Variants in ABCC4 observed in about 807,000 individuals in gnomAD.
The protein encoded by ABCC4 is ATP-binding cassette sub-family C member 4.
In ABCC4, 102 loss-of-function variants were observed where a neutral mutation model predicts 168.5. The observed-to-expected ratio is 0.61, with a 90% CI of 0.52 to 0.71. The LOEUF (loss-of-function observed/expected upper bound fraction) is 0.71, where lower values mean the gene tolerates loss of function less well. Ranked by LOEUF, ABCC4 falls within the 30% of genes least tolerant of loss-of-function variation. ABCC4 has a pLI of 0.00. For missense variants in ABCC4, 1,402 were observed against 1,605.8 expected (o/e 0.87, Z 2.17); for synonymous variants, 617 against 590.7 (o/e 1.04, Z -0.65).
At chr13:95,070,082 A>G (rs1249512110) in intron 25 of ABCC4, among the ~76,000 whole-genome samples, 4 of 152,144 alleles carry the variant, frequency 2.6e-5, no homozygotes, top group African/African-American at 7.2e-5. Flanking sequence ...GGTCTCTACT[A>G]AAAATTCAAA....
chr13:95,298,123 T>C (rs1454035613), intron 1 of ABCC4, among the ~76,000 whole-genome samples: 1 of 151,956 alleles, frequency 6.6e-6, no homozygotes, highest in Admixed American at 6.6e-5. Context: ...ACCCCATCTC[T>C]ACCAAAAATA....
chr13:95,163,150 A>G lies in ABCC4; in HGVS notation c.2280T>C (p.Asp760=). Reference sequence around the variant, plus strand: ...AATAAATTCCTAAGTACCAGTTAAGATCTAGCTTCTCGGTTACATTTCCTC... The same window carrying G: ...AATAAATTCCTAAGTACCAGTTAAGGTCTAGCTTCTCGGTTACATTTCCTC... The part of the protein sequence containing the change: ...NGGGNVTEKL[D]LNWYLGIYSG... Residue 760 remains aspartate, a synonymous_variant, in exon 18 of 31, where the codon GAT becomes GAC. Transcript: ENST00000645237. 2.5e-6 allele frequency: 4 copies of G among 1,613,144 alleles called. No individual in the cohort carries two copies. The highest frequency in any genetic ancestry group is 3.4e-6 in the Non-Finnish European group (4 of 1,179,204).
chr13:95,258,696 A>G (rs1408155400), intron 1 of ABCC4, among the ~76,000 whole-genome samples: 1 of 152,024 alleles, frequency 6.6e-6, no homozygotes, highest in Non-Finnish European at 1.5e-5. Context: ...GTGACTCTCC[A>G]CCCAGGCTGA....
In ABCC4 at chr13:95,074,307, A is replaced by G. The variant is rs1206274211; in HGVS notation, c.2824T>C (p.Leu942=). The G allele has an allele frequency of 1.2e-6, 2 of 1,613,234 alleles. No individual in the cohort carries two copies. Among genetic ancestry groups the G allele is most frequent in the Admixed American group, 1.7e-5 (1 of 59,868 alleles). ...DLHSEAWFLF[L]TTSRWFAVRL... ...ACGGCAAACCAGCGGGACGTTGTCAAAAACAAGAACCAAGCCTCTGAATTT... is the reference window on the plus strand; with the variant it reads ...ACGGCAAACCAGCGGGACGTTGTCAGAAACAAGAACCAAGCCTCTGAATTT... The change falls in exon 23 of 31, where the codon TTG becomes CTG. Residue 942 remains leucine, a synonymous_variant. Coordinates refer to ENST00000645237, the MANE Select transcript of ABCC4 (RefSeq NM_005845.5).
chr13:95,212,275 GGAGA>G (rs988270380), intron 4 of ABCC4, among the ~76,000 whole-genome samples: 5 of 152,004 alleles, frequency 3.3e-5, no homozygotes, highest in African/African-American at 1.2e-4. Flanking sequence ...AGAAAGGGAA[GGAGA>G]GAGACCAGCC....
chr13:95,282,760 C>A (rs575953365), intron 1 of ABCC4, among the ~76,000 whole-genome samples: 171 of 151,942 alleles, frequency 1.1e-3, no homozygotes, highest in Non-Finnish European at 1.9e-3. Flanking sequence ...CTCTCAAACT[C>A]CTGACCTTGT....
At chr13:95,111,393 G>A (rs926394866) in intron 20 of ABCC4, among the ~76,000 whole-genome samples, 4 of 152,168 alleles carry the variant, frequency 2.6e-5, no homozygotes, top group Non-Finnish European at 5.9e-5. Flanking sequence ...CTTGCAGACT[G>A]TTCATTTGTA....
intron 15 of ABCC4, among the ~76,000 whole-genome samples, chr13:95,165,048 G>A (rs1489938506): frequency 6.6e-6 from 1 of 152,140 alleles, no homozygotes; most frequent in African/African-American, 2.4e-5. Context: ...TTCTACTAGA[G>A]ATAAGGAAAT....
intron 26 of ABCC4, among the ~76,000 whole-genome samples, chr13:95,057,047 A>G (rs930707464): frequency 1.1e-4 from 17 of 152,206 alleles, no homozygotes; most frequent in African/African-American, 3.4e-4. Flanking sequence ...CAGTTAAGCA[A>G]ACTCTTGTCT....
rs144153588 is a variant in ABCC4, at chr13:95,299,139, G to A, written c.74+2102C>T. The stretch of plus-strand genomic sequence containing the variant: ...CCGGGCATGGTGACACACACCTGGA[G>A]CCCCAGCTACTCGGGAGGCTGAGGC... On this transcript the variant is annotated intron_variant, in intron 1 of 30. Transcript: ENST00000645237. Among the ~76,000 whole-genome samples the A allele has an allele frequency of 6.5e-3, 986 of 151,694 alleles. 4 individuals carry two copies. The highest frequency in any genetic ancestry group is 0.022 in the African/African-American group (909 of 41,362).
chr13:95,061,594 T>TTTTG (rs1292383744), intron 26 of ABCC4, among the ~76,000 whole-genome samples: 2 of 133,942 alleles, frequency 1.5e-5, no homozygotes, highest in Admixed American at 7.6e-5. Flanking sequence ...GAATATGTGT[T>TTTTG]TGTGTGTGTG....
chr13:95,277,836 G>A (rs1000607323), intron 1 of ABCC4, among the ~76,000 whole-genome samples: 3 of 152,120 alleles, frequency 2.0e-5, no homozygotes, highest in South Asian at 2.1e-4. Flanking sequence ...GCAGAAGGGA[G>A]AGAAAAAGGG....
At chr13:95,164,565 G>A in intron 15 of ABCC4, 47 bp from the exon 16 acceptor site, 2 of 1,601,220 alleles carry the variant, frequency 1.2e-6, no homozygotes, top group Admixed American at 1.7e-5. Context: ...ATACAAAACT[G>A]TTCCCAAAGA....
intron 14 of ABCC4, among the ~76,000 whole-genome samples, chr13:95,169,552 A>C (rs946882273): frequency 1.3e-5 from 2 of 152,112 alleles, no homozygotes; most frequent in African/African-American, 4.8e-5. Context: ...CCCCACTGCC[A>C]GTCCCCTGCC....
chr13:95,287,499 A>G (rs1254826391), intron 1 of ABCC4, among the ~76,000 whole-genome samples: 1 of 151,708 alleles, frequency 6.6e-6, no homozygotes, highest in African/African-American at 2.4e-5. Flanking sequence ...AGACAGCAGA[A>G]TCGTTTGAAT....
At position 95,226,110 on chromosome 13, in the gene ABCC4, C is replaced by A. The variant is rs182035754; in HGVS notation, c.531+8500G>T. On this transcript the variant is annotated intron_variant, in intron 4 of 30. Transcript: ENST00000645237. Reference sequence around the variant, plus strand: ...ATTAATAGTCAGGTGGATAGAATTGCCCTGTTGGAGAATTACTTCTCCAAC... The same window carrying A: ...ATTAATAGTCAGGTGGATAGAATTGACCTGTTGGAGAATTACTTCTCCAAC... Among the ~76,000 whole-genome samples, 299 of 150,758 alleles carry A rather than the reference C, an allele frequency of 2.0e-3. 1 individual carries two copies. Among genetic ancestry groups the A allele is most frequent in the African/African-American group, 6.3e-3 (260 of 41,250 alleles).
At chr13:95,274,322 G>C (rs2040918811) in intron 1 of ABCC4, among the ~76,000 whole-genome samples, 1 of 152,092 alleles carries the variant, frequency 6.6e-6, no homozygotes, top group African/African-American at 2.4e-5. Context: ...GTCCTTCCCA[G>C]AGCTGGCCAG....
At chr13:95,175,102 C>T (rs770737231) in intron 13 of ABCC4, among the ~76,000 whole-genome samples, 6 of 152,124 alleles carry the variant, frequency 3.9e-5, no homozygotes, top group Non-Finnish European at 8.8e-5. Context: ...CAGGAACCCA[C>T]GTAGAGCCCC....
intron 25 of ABCC4, among the ~76,000 whole-genome samples, chr13:95,066,562 AG>A (rs1191486882): frequency 6.6e-6 from 1 of 152,230 alleles, no homozygotes; most frequent in East Asian, 1.9e-4. Flanking sequence ...CATATTGTTC[AG>A]GTATACAATA....
Sources: gnomAD v4.1 joint callset for allele counts (sites outside exome capture counted in the v4.1 genomes callset) on GRCh38, gnomAD v4.1.1 for gene constraint, MANE v1.5 for transcripts, NCBI Gene and HGNC (gene_info 2026-07-23, HGNC 2026-07-21) for gene names.